Variants in LRRC37A2 observed in about 807,000 individuals in gnomAD.
LRRC37A2 encodes leucine-rich repeat-containing protein 37A2.
In LRRC37A2, 9 loss-of-function variants were observed where a neutral mutation model predicts 68.8. The ratio of observed to expected loss-of-function variants is 0.13; its 90% confidence interval spans 0.08 to 0.23. LRRC37A2 has a LOEUF of 0.23. Among genes scored for constraint, LRRC37A2 ranks in the 10% least tolerant of loss-of-function variants. The pLI, the probability that LRRC37A2 is intolerant of heterozygous loss-of-function variation, is 1.00. For missense variants in LRRC37A2, 168 were observed against 950.4 expected (o/e 0.18, Z 10.82); for synonymous variants, 63 against 367.6 (o/e 0.17, Z 9.48).
the LRRC37A2 span, among the ~76,000 whole-genome samples, chr17:46,681,458 C>G: frequency 7.2e-6 from 1 of 138,500 alleles, no homozygotes; most frequent in Non-Finnish European, 1.6e-5. Context: ...CCACTGCACT[C>G]CCGCTTGGGC....
the LRRC37A2 span, among the ~76,000 whole-genome samples, chr17:46,501,090 G>C: frequency 2.6e-5 from 4 of 151,428 alleles, 1 homozygote; most frequent in African/African-American, 9.8e-5. Flanking sequence ...GAATATCCCT[G>C]TGTTGCCCAG....
the LRRC37A2 span, among the ~76,000 whole-genome samples, chr17:47,031,642 G>C: frequency 0.21 from 30,097 of 143,848 alleles, 5,974 homozygotes; most frequent in East Asian, 0.66. Flanking sequence ...ATATTGGCTT[G>C]TCTATGGCAC....
At chr17:46,851,729 G>A in the LRRC37A2 span, 3 of 1,258,186 alleles carry the variant, frequency 2.4e-6, no homozygotes, top group Non-Finnish European at 3.0e-6. The surrounding 1 kb of genome is among the most constrained non-coding windows in gnomAD (Gnocchi z 4.3). Flanking sequence ...AGTGCCCGCC[G>A]CGCCCCCCGC....
chr17:46,836,965 CAG>C, the LRRC37A2 span, among the ~76,000 whole-genome samples: 2 of 152,004 alleles, frequency 1.3e-5, no homozygotes, highest in Admixed American at 1.3e-4. Context: ...TTTTTTGAGA[CAG>C]AGTCTCGCTC....
the LRRC37A2 span, among the ~76,000 whole-genome samples, chr17:46,810,004 C>CTTTTTTTT: frequency 1.1e-4 from 14 of 126,382 alleles, no homozygotes; most frequent in Non-Finnish European, 1.6e-4. Flanking sequence ...TTCTTTCTTT[C>CTTTTTTTT]TTTTTTTTTT....
the LRRC37A2 span, among the ~76,000 whole-genome samples, chr17:46,961,679 A>C: frequency 6.6e-6 from 1 of 152,252 alleles, no homozygotes; most frequent in African/African-American, 2.4e-5. Context: ...AAAAAGGTCC[A>C]GCTGTATGAT....
At chr17:46,849,899 G>A in the LRRC37A2 span, among the ~76,000 whole-genome samples, 2 of 149,498 alleles carry the variant, frequency 1.3e-5, no homozygotes, top group East Asian at 4.0e-4. Context: ...CCAGGCCAGA[G>A]TGCAATGGCG....
At chr17:46,934,197 A>C in the LRRC37A2 span, among the ~76,000 whole-genome samples, 4 of 152,068 alleles carry the variant, frequency 2.6e-5, no homozygotes, top group Admixed American at 2.6e-4. Context: ...CACTGGACAC[A>C]CTTCCAGCTG....
chr17:46,736,666 G>A, the LRRC37A2 span, among the ~76,000 whole-genome samples: 1 of 152,158 alleles, frequency 6.6e-6, no homozygotes, highest in Non-Finnish European at 1.5e-5. Context: ...CAGTATAACT[G>A]TCAAAAATTC....
At chr17:46,932,277 C>T in the LRRC37A2 span, 14 of 1,554,024 alleles carry the variant, frequency 9.0e-6, no homozygotes, top group South Asian at 1.1e-5. Context: ...TGAGCGCCAT[C>T]TGTTTTGGGG....
At chr17:46,884,347 C>A in the LRRC37A2 span, among the ~76,000 whole-genome samples, 1 of 152,172 alleles carries the variant, frequency 6.6e-6, no homozygotes, top group African/African-American at 2.4e-5. Context: ...CAGAGCTGCG[C>A]AGGTGTTGCA....
chr17:46,944,756 C>T, the LRRC37A2 span, among the ~76,000 whole-genome samples: 2 of 152,082 alleles, frequency 1.3e-5, no homozygotes, highest in Non-Finnish European at 2.9e-5. Context: ...CCCACTACCA[C>T]GCCCGGCTAA....
At chr17:46,803,311 A>G in the LRRC37A2 span, among the ~76,000 whole-genome samples, 4 of 152,238 alleles carry the variant, frequency 2.6e-5, no homozygotes, top group Admixed American at 6.5e-5. Context: ...AGACAGGCAG[A>G]TCACCTGAGC....
chr17:46,991,392 C>T, the LRRC37A2 span, among the ~76,000 whole-genome samples: 3 of 152,038 alleles, frequency 2.0e-5, no homozygotes, highest in African/African-American at 4.8e-5. Flanking sequence ...TTTGGGAGGC[C>T]GAGGTGGGTG....
chr17:46,985,955 C>T, the LRRC37A2 span, among the ~76,000 whole-genome samples: 4 of 152,166 alleles, frequency 2.6e-5, no homozygotes, highest in Admixed American at 6.5e-5. Context: ...GCCTCTGGTA[C>T]CCTAATCTGT....
the LRRC37A2 span, among the ~76,000 whole-genome samples, chr17:46,895,961 G>A: frequency 6.6e-6 from 1 of 152,090 alleles, no homozygotes; most frequent in Non-Finnish European, 1.5e-5. Context: ...GGGGGCAGAG[G>A]GGGTTCCATC....
the LRRC37A2 span, among the ~76,000 whole-genome samples, chr17:46,949,753 A>T: frequency 0.28 from 42,241 of 152,100 alleles, 6,762 homozygotes; most frequent in South Asian, 0.45. Flanking sequence ...GATGAGTCAG[A>T]CTGGAGCAGG....
the LRRC37A2 span, among the ~76,000 whole-genome samples, chr17:46,926,769 GTAT>G: frequency 1.3e-5 from 2 of 152,336 alleles, no homozygotes; most frequent in South Asian, 4.1e-4. Flanking sequence ...CGCTGGAATT[GTAT>G]TATTGGCCAC....
At chr17:47,020,126 T>C in the LRRC37A2 span, among the ~76,000 whole-genome samples, 1 of 151,050 alleles carries the variant, frequency 6.6e-6, no homozygotes, top group Admixed American at 6.6e-5. Flanking sequence ...ATCTCAGTGA[T>C]GATGCTCTAA....
Sources: allele counts gnomAD v4.1 joint callset (sites outside exome capture counted in the v4.1 genomes callset), GRCh38; gene constraint gnomAD v4.1.1; non-coding constraint Gnocchi (gnomAD v3.1); transcripts MANE v1.5; gene names NCBI Gene and HGNC (gene_info 2026-07-23, HGNC 2026-07-21).